DCC: variants seen among roughly 807,000 people sequenced by gnomAD.
The protein encoded by DCC is DCC netrin 1 receptor, also known as netrin receptor DCC.
DCC carries 58 observed loss-of-function variants against 172.5 expected under a neutral mutation model. That is an observed-to-expected ratio of 0.34 (90% CI 0.27 to 0.42). DCC has a LOEUF of 0.42. Among genes scored for constraint, DCC ranks in the 10% least tolerant of loss-of-function variants. The pLI is 1.00. For missense variants in DCC, 1,740 were observed against 1,791.0 expected (o/e 0.97, Z 0.51); for synonymous variants, 709 against 644.5 (o/e 1.10, Z -1.52).
At chr18:53,476,053 G>C (rs184225723) in intron 25 of DCC, among the ~76,000 whole-genome samples, 1 of 152,150 alleles carries the variant, frequency 6.6e-6, no homozygotes, top group Admixed American at 6.5e-5. Context: ...CTTGCATGGC[G>C]CCTGTAGCCC....
intron 7 of DCC, among the ~76,000 whole-genome samples, chr18:53,068,771 CTGTGTGTG>C (rs74683814): frequency 2.1e-5 from 3 of 143,624 alleles, no homozygotes; most frequent in Non-Finnish European, 4.5e-5. Flanking sequence ...ACCTTTTAGA[CTGTGTGTG>C]TGTGTGTGTG....
intron 15 of DCC, among the ~76,000 whole-genome samples, chr18:53,351,725 G>GTTTTTCAAGA (rs2144906011): frequency 6.6e-6 from 1 of 151,366 alleles, no homozygotes; most frequent in East Asian, 2.0e-4. Flanking sequence ...CATCATCTCT[G>GTTTTTCAAGA]TTTTTCAAGA....
chr18:52,563,525 G>A (rs987092042), intron 1 of DCC, among the ~76,000 whole-genome samples: 7 of 152,070 alleles, frequency 4.6e-5, no homozygotes, highest in Non-Finnish European at 1.0e-4. Flanking sequence ...ATAAGGATGG[G>A]AAAAATGATC....
At chr18:53,267,082 TTA>T (rs1245634904) in intron 12 of DCC, among the ~76,000 whole-genome samples, 32 of 150,478 alleles carry the variant, frequency 2.1e-4, no homozygotes, top group African/African-American at 6.9e-4. Context: ...TGTTTAACCT[TTA>T]TATACACACA....
chr18:52,618,782 C>T (rs1486650056), intron 1 of DCC, among the ~76,000 whole-genome samples: 4 of 152,114 alleles, frequency 2.6e-5, no homozygotes, highest in Non-Finnish European at 2.9e-5. Context: ...TTTTCAGAAG[C>T]GCCCCCAGAC....
Position 52,983,399 on chromosome 18 carries a change from T to A in DCC, c.985+58029T>A, listed in dbSNP as rs575463051. 1.1e-3 allele frequency among the ~76,000 whole-genome samples: 160 copies of A among 152,342 alleles called. 2 individuals are homozygous for A. Among genetic ancestry groups the A allele is most frequent in the Admixed American group, 3.1e-3 (47 of 15,292 alleles). ...TTGCAAACTTTACTTCAATTTTTAA[T>A]CTACCTATCAAATTTTTATCCTATC... On this transcript the variant is annotated intron_variant, in intron 5 of 28. Transcript: ENST00000442544.
intron 1 of DCC, among the ~76,000 whole-genome samples, chr18:52,451,763 G>A (rs1448780130): frequency 6.6e-6 from 1 of 152,016 alleles, no homozygotes; most frequent in East Asian, 1.9e-4. Flanking sequence ...AACTGAGTCG[G>A]CTCGTAGGGC....
At chr18:53,420,016 G>T (rs928459300) in intron 21 of DCC, among the ~76,000 whole-genome samples, 3 of 151,948 alleles carry the variant, frequency 2.0e-5, no homozygotes, top group East Asian at 1.9e-4. Flanking sequence ...ACCACACCTG[G>T]CTAATTTTTT....
chr18:52,594,847 A>G (rs959602797), intron 1 of DCC, among the ~76,000 whole-genome samples: 2 of 152,184 alleles, frequency 1.3e-5, no homozygotes, highest in Non-Finnish European at 2.9e-5. Flanking sequence ...AAGCCATGAG[A>G]GATCTGCCCC....
intron 2 of DCC, among the ~76,000 whole-genome samples, chr18:52,815,979 TAAAC>T (rs1349027489): frequency 1.3e-5 from 2 of 152,126 alleles, no homozygotes; most frequent in African/African-American, 4.8e-5. Context: ...AAAAAAGAGA[TAAAC>T]CAACCAATTA....
intron 7 of DCC, among the ~76,000 whole-genome samples, chr18:53,110,733 A>C (rs541658556): frequency 5.1e-5 from 7 of 136,384 alleles, no homozygotes; most frequent in East Asian, 2.1e-4. Context: ...GGCAATCATT[A>C]AAAAGTCAGG....
intron 12 of DCC, among the ~76,000 whole-genome samples, chr18:53,304,813 T>C (rs1335739932): frequency 6.6e-6 from 1 of 152,194 alleles, no homozygotes; most frequent in East Asian, 1.9e-4. Context: ...TAAAAACGTA[T>C]TTAGTTTTCC....
chr18:52,432,201 G>A (rs988822525), intron 1 of DCC, among the ~76,000 whole-genome samples: 1 of 152,078 alleles, frequency 6.6e-6, no homozygotes, highest in African/African-American at 2.4e-5. Context: ...CGTGTTGCAC[G>A]TGTCTTGTTG....
chr18:52,906,551 TTA>T (rs1259581718), intron 3 of DCC, among the ~76,000 whole-genome samples: 4 of 151,876 alleles, frequency 2.6e-5, no homozygotes, highest in Non-Finnish European at 4.4e-5. Flanking sequence ...GGAAAAACAG[TTA>T]TCTCTCCTTT....
At chr18:53,393,918 T>C (rs969713985) in intron 17 of DCC, among the ~76,000 whole-genome samples, 3 of 151,624 alleles carry the variant, frequency 2.0e-5, no homozygotes, top group African/African-American at 4.9e-5. Flanking sequence ...TCTCTCCCTC[T>C]CTCCCTCCCT....
intron 5 of DCC, among the ~76,000 whole-genome samples, chr18:52,926,938 C>T (rs12963105): frequency 9.5e-5 from 2 of 21,094 alleles, no homozygotes; most frequent in Admixed American, 4.0e-4. Context: ...TATATATAAA[C>T]GTATATGATA....
intron 1 of DCC, among the ~76,000 whole-genome samples, chr18:52,724,114 A>G (rs1351487792): frequency 6.6e-6 from 1 of 152,074 alleles, no homozygotes; most frequent in Non-Finnish European, 1.5e-5. Context: ...TTTACCTTTC[A>G]TGGATCCTGT....
chr18:52,507,925 A>G (rs1407116635), intron 1 of DCC, among the ~76,000 whole-genome samples: 1 of 152,000 alleles, frequency 6.6e-6, no homozygotes, highest in Non-Finnish European at 1.5e-5. Flanking sequence ...ATATGGTGAA[A>G]CCCCGTCTCT....
chr18:53,371,183 C>T (rs8092738), intron 15 of DCC, among the ~76,000 whole-genome samples: 146,587 of 151,956 alleles, frequency 0.96, 70,946 homozygotes, highest in Middle Eastern at 1. Flanking sequence ...TTCAGGGTAT[C>T]TTTTAAAGAA....
Sources: allele counts gnomAD v4.1 joint callset (sites outside exome capture counted in the v4.1 genomes callset), GRCh38; gene constraint gnomAD v4.1.1; transcripts MANE v1.5; gene names NCBI Gene and HGNC (gene_info 2026-07-23, HGNC 2026-07-21).